The following AGBL4 variants were observed in gnomAD, a reference collection of about 807,000 sequenced individuals.
AGBL4 encodes the protein AGBL carboxypeptidase 4.
A neutral mutation model predicts 66.4 loss-of-function variants in AGBL4; 58 were observed. The ratio of observed to expected loss-of-function variants is 0.87; its 90% CI spans 0.71 to 1.09. The LOEUF (loss-of-function observed/expected upper bound fraction) is 1.09, where lower values mean the gene tolerates loss of function less well. Ranked by LOEUF, AGBL4 falls within the 50% of genes least tolerant of loss-of-function variation. AGBL4 has a pLI of 0.00. For missense variants in AGBL4, 579 were observed against 631.0 expected, an observed-to-expected ratio of 0.92 and a Z score of 0.88; for synonymous variants, 234 against 222.9, an observed-to-expected ratio of 1.05 and a Z score of -0.44.
chr1:49,694,318 C>T (rs1434930324), intron 3 of AGBL4, among the ~76,000 whole-genome samples: 3 of 152,030 alleles, frequency 2.0e-5, no homozygotes, highest in South Asian at 2.1e-4. Context: ...TTTTCTTTAA[C>T]GTAGACTACC....
At chr1:49,877,877 T>C (rs1462923030) in intron 1 of AGBL4, among the ~76,000 whole-genome samples, 2 of 152,044 alleles carry the variant, frequency 1.3e-5, no homozygotes, top group Admixed American at 6.6e-5. Flanking sequence ...TTCTTCCTGG[T>C]TTAGTCTTGG....
At chr1:49,432,661 A>G (rs1048841789) in intron 3 of AGBL4, among the ~76,000 whole-genome samples, 1 of 152,146 alleles carries the variant, frequency 6.6e-6, no homozygotes, top group Non-Finnish European at 1.5e-5. Flanking sequence ...TCTCCATATC[A>G]ATTTACATCA....
chr1:49,399,379 C>T lies in AGBL4; in HGVS notation c.283-153515G>A, dbSNP rs375523880. ...ATTCCTAGGAATGAGGTTGCTGGAT[C>T]GTATGATAACTATATTTTTTGTTTT... On this transcript the variant is annotated intron_variant, in intron 3 of 13. Transcript: ENST00000371839. 8.6e-4 allele frequency among the ~76,000 whole-genome samples: 131 copies of T among 152,166 alleles called. 1 individual carries two copies. In the South Asian group the frequency reaches 9.5e-3, roughly 11 times the overall value.
intron 3 of AGBL4, among the ~76,000 whole-genome samples, chr1:49,622,893 T>G (rs1477935550): frequency 6.6e-6 from 1 of 152,152 alleles, no homozygotes; most frequent in African/African-American, 2.4e-5. Flanking sequence ...TGAATTCTTT[T>G]TTATGCTCCT....
chr1:49,842,052 C>G (rs1055711400), intron 2 of AGBL4: 1 of 373,614 alleles, frequency 2.7e-6, no homozygotes, highest in African/African-American at 2.1e-5. Flanking sequence ...CTCCTTGTGC[C>G]CAGCCTCTAC....
Position 48,648,948 on chromosome 1 carries a change from A to G in AGBL4, c.839+4389T>C, listed in dbSNP as rs964553129. On this transcript the variant is annotated intron_variant, in intron 8 of 13. Transcript: ENST00000371839. The stretch of plus-strand genomic sequence containing the variant: ...GACTGCATCTGGCCCTAGTTACTCT[A>G]CACTGGGCACTGTAGCTTTGTGCCA... Among the ~76,000 whole-genome samples, 6 of 152,226 alleles carry G rather than the reference A, an allele frequency of 3.9e-5. No individual in the cohort carries two copies. The East Asian group carries it at 1.2e-3, about 29-fold the overall frequency.
intron 3 of AGBL4, among the ~76,000 whole-genome samples, chr1:49,379,900 A>T (rs1226991814): frequency 6.6e-6 from 1 of 152,126 alleles, no homozygotes; most frequent in Non-Finnish European, 1.5e-5. Flanking sequence ...TCATAAAATG[A>T]GTCAGGGAGG....
At chr1:49,939,239 G>A (rs536808010) in intron 1 of AGBL4, among the ~76,000 whole-genome samples, 2 of 150,252 alleles carry the variant, frequency 1.3e-5, no homozygotes, top group African/African-American at 4.9e-5. Flanking sequence ...CATGCTCATG[G>A]GTAGGAAGAA....
chr1:49,123,656 C>T (rs1480806310), intron 4 of AGBL4, among the ~76,000 whole-genome samples: 1 of 152,082 alleles, frequency 6.6e-6, no homozygotes, highest in Non-Finnish European at 1.5e-5. Flanking sequence ...GAGACTGTTG[C>T]TTATCATATA....
At chr1:49,807,499 A>G (rs914126609) in intron 2 of AGBL4, among the ~76,000 whole-genome samples, 1 of 152,158 alleles carries the variant, frequency 6.6e-6, no homozygotes, top group Non-Finnish European at 1.5e-5. Context: ...AGCACATAAC[A>G]TGTGTGATTT....
chr1:49,532,114 C>T (rs1467631066), intron 3 of AGBL4, among the ~76,000 whole-genome samples: 1 of 152,096 alleles, frequency 6.6e-6, no homozygotes, highest in Admixed American at 6.5e-5. Context: ...AAATCCCCTT[C>T]CCTCATCTGT....
At chr1:49,740,364 T>C (rs1650332517) in intron 2 of AGBL4, among the ~76,000 whole-genome samples, 1 of 152,156 alleles carries the variant, frequency 6.6e-6, no homozygotes, top group Non-Finnish European at 1.5e-5. Context: ...CCTAAATATA[T>C]AGGCGCCCAA....
chr1:48,897,381 G>T (rs1651620993), intron 5 of AGBL4, among the ~76,000 whole-genome samples: 1 of 152,170 alleles, frequency 6.6e-6, no homozygotes, highest in South Asian at 2.1e-4. Flanking sequence ...TTCATCCATT[G>T]ATGGGCACTT....
chr1:49,207,532 T>TTCTTTC (rs1491494823), intron 4 of AGBL4, among the ~76,000 whole-genome samples: 6 of 129,804 alleles, frequency 4.6e-5, no homozygotes, highest in South Asian at 2.7e-4. Flanking sequence ...TCTCTCTTTC[T>TTCTTTC]TTTTCTTTCT....
At chr1:48,794,535 C>A (rs1645623679) in intron 6 of AGBL4, among the ~76,000 whole-genome samples, 1 of 152,192 alleles carries the variant, frequency 6.6e-6, no homozygotes, top group African/African-American at 2.4e-5. Flanking sequence ...TTTGCCTCTA[C>A]CGAACCTACT....
At chr1:48,549,818 G>T (rs1225775742) in intron 11 of AGBL4, among the ~76,000 whole-genome samples, 2 of 151,584 alleles carry the variant, frequency 1.3e-5, no homozygotes, top group African/African-American at 4.9e-5. Context: ...AGAAGGGAGG[G>T]AGAGAGGGGA....
chr1:48,523,323 C>T, the AGBL4 span, among the ~76,000 whole-genome samples: 1 of 152,150 alleles, frequency 6.6e-6, no homozygotes, highest in Admixed American at 6.5e-5. Flanking sequence ...AGAATGGATG[C>T]ATGCAAAGTA....
chr1:48,798,389 A>G (rs1379685877), intron 6 of AGBL4, among the ~76,000 whole-genome samples: 2 of 152,004 alleles, frequency 1.3e-5, no homozygotes, highest in African/African-American at 4.8e-5. Context: ...CCTTTGTCGG[A>G]TGCATAGTTT....
chr1:48,943,043 C>T (rs773183110), intron 5 of AGBL4, among the ~76,000 whole-genome samples: 3 of 152,094 alleles, frequency 2.0e-5, no homozygotes, highest in Non-Finnish European at 4.4e-5. Flanking sequence ...TCTGATTATG[C>T]AGAAAGTATG....
Sources: allele counts gnomAD v4.1 joint callset (sites outside exome capture counted in the v4.1 genomes callset), GRCh38; gene constraint gnomAD v4.1.1; transcripts MANE v1.5; gene names NCBI Gene and HGNC (gene_info 2026-07-23, HGNC 2026-07-21).